WDR43: variants seen among roughly 807,000 people sequenced by gnomAD.
WDR43 encodes WD repeat-containing protein 43.
A neutral mutation model predicts 91.4 loss-of-function variants in WDR43; 13 were observed. The ratio of observed to expected loss-of-function variants is 0.14; its 90% CI spans 0.09 to 0.23. The LOEUF is 0.23. Ranked by LOEUF, WDR43 falls within the 10% of genes least tolerant of loss-of-function variation. WDR43 has a pLI of 1.00. For synonymous variants in WDR43, 331 were observed against 287.9 expected (o/e 1.15, Z -1.51); for missense variants, 780 against 809.4 (o/e 0.96, Z 0.44).
At chr2:28,900,235 T>G (rs1254790791) in intron 1 of WDR43, among the ~76,000 whole-genome samples, 1 of 152,200 alleles carries the variant, frequency 6.6e-6, no homozygotes, top group Non-Finnish European at 1.5e-5. Flanking sequence ...TCGCCCAGGC[T>G]GGAGTGTAGT....
intron 11 of WDR43, 75 bp downstream of exon 11, chr2:28,929,785 C>A: frequency 7.0e-7 from 1 of 1,431,566 alleles, no homozygotes; most frequent in Non-Finnish European, 9.6e-7. Flanking sequence ...AGCACATTCA[C>A]AGCTGTGAGC....
intron 11 of WDR43, among the ~76,000 whole-genome samples, chr2:28,933,210 A>C (rs1177491967): frequency 6.6e-6 from 1 of 152,204 alleles, no homozygotes; most frequent in Non-Finnish European, 1.5e-5. Flanking sequence ...ATAAAGAGCA[A>C]GTTGGAGGAA....
intron 9 of WDR43, 56 bp downstream of exon 9, chr2:28,926,610 G>A: frequency 7.1e-7 from 1 of 1,408,240 alleles, no homozygotes; most frequent in Non-Finnish European, 9.7e-7. Context: ...TTGGGTGAAT[G>A]GAACTGTTAC....
At chr2:28,934,163 A>C (rs1266163170) in intron 11 of WDR43, among the ~76,000 whole-genome samples, 1 of 152,218 alleles carries the variant, frequency 6.6e-6, no homozygotes, top group East Asian at 1.9e-4. Context: ...ATGAATCTCA[A>C]ACTAAGGCTG....
chr2:28,927,358 G>A, intron 9 of WDR43: 2 of 581,270 alleles, frequency 3.4e-6, no homozygotes, highest in Non-Finnish European at 5.8e-6. Flanking sequence ...ACTCTTATGT[G>A]GTATTGTAAG....
At chr2:28,946,329 T>C in intron 16 of WDR43, 121 bp from the exon 17 acceptor site, 6 of 997,584 alleles carry the variant, frequency 6.0e-6, no homozygotes, top group Non-Finnish European at 8.3e-6. Flanking sequence ...CTTAGTTGGA[T>C]GATTGCTAAA....
intron 2 of WDR43, 26 bp from the exon 3 acceptor site, chr2:28,906,434 A>T (rs1227859906): frequency 2.2e-5 from 31 of 1,401,896 alleles, no homozygotes; most frequent in South Asian, 5.5e-5. Context: ...CCAGCCTTAA[A>T]TTTTTTTTTT....
chr2:28,929,553 C>A (rs1231129420), intron 10 of WDR43, 26 bp from the exon 11 acceptor site: 3 of 1,552,330 alleles, frequency 1.9e-6, no homozygotes, highest in South Asian at 2.5e-5. Context: ...TCTGGTAACA[C>A]ATTAACAATC....
chr2:28,898,096 C>T (rs1301492261), intron 1 of WDR43, among the ~76,000 whole-genome samples: 1 of 152,206 alleles, frequency 6.6e-6, no homozygotes, highest in Non-Finnish European at 1.5e-5. Flanking sequence ...GGAACTGATG[C>T]TGCTATTTGA....
intron 11 of WDR43, among the ~76,000 whole-genome samples, chr2:28,934,068 CAT>C (rs756640831): frequency 5.6e-4 from 86 of 152,302 alleles, no homozygotes; most frequent in Non-Finnish European, 9.3e-4. Context: ...GGAAAGAACA[CAT>C]ATGTCCTTTA....
At chr2:28,941,387 C>A (rs1174956788) in intron 14 of WDR43, 74 bp from the exon 15 acceptor site, 1 of 1,139,850 alleles carries the variant, frequency 8.8e-7, no homozygotes, top group Non-Finnish European at 1.3e-6. Flanking sequence ...AATACTGAGG[C>A]ATAGCTGAGC....
chr2:28,898,746 G>C (rs1670527588), intron 1 of WDR43, among the ~76,000 whole-genome samples: 1 of 152,062 alleles, frequency 6.6e-6, no homozygotes, highest in African/African-American at 2.4e-5. Context: ...CTAGCCGTGG[G>C]AAGTTTCTCT....
intron 14 of WDR43, among the ~76,000 whole-genome samples, chr2:28,939,456 A>G (rs185942932): frequency 1.7e-4 from 26 of 152,318 alleles, no homozygotes; most frequent in Admixed American, 9.1e-4. Context: ...AGAACAGACG[A>G]AAGAATGGTA....
intron 9 of WDR43, 185 bp from the exon 10 acceptor site, chr2:28,927,384 C>G (rs1671160379): frequency 5.7e-6 from 4 of 707,128 alleles, no homozygotes; most frequent in Non-Finnish European, 4.4e-6. Context: ...AATTCACAGT[C>G]TTTCAGATTG....
rs537260899 is a variant in WDR43 at position 28,935,086 on chromosome 2, A to G, written c.1438-435A>G. On this transcript the variant is annotated intron_variant, in intron 11 of 17. Transcript: ENST00000407426. ...CTCATTATGTCATCTTTTGATTGGC[A>G]TAAAATTTTACCAAAATTTTGACAC... 2.0e-5 allele frequency among the ~76,000 whole-genome samples: 3 copies of G among 152,270 alleles called. No homozygotes were observed. In the East Asian group the frequency reaches 5.8e-4, roughly 29 times the overall value.
chr2:28,896,824 G>T lies in WDR43; in HGVS notation c.225+1901G>T, dbSNP rs548251468. On this transcript the variant is annotated intron_variant, in intron 1 of 17. Coordinates refer to ENST00000407426, the MANE Select transcript of WDR43 (RefSeq NM_015131.3). ...CTTACTTTGTCATATTGAGCAAGTT[G>T]TTTTAATTTTGAGGACCTCATTGAC... 1.1e-4 allele frequency among the ~76,000 whole-genome samples: 17 copies of T among 152,294 alleles called. No homozygotes were observed. In the East Asian group the frequency reaches 2.9e-3, roughly 26 times the overall value.
At chr2:28,902,829 T>A (rs1238802415) in intron 2 of WDR43, among the ~76,000 whole-genome samples, 1 of 152,196 alleles carries the variant, frequency 6.6e-6, no homozygotes, top group Non-Finnish European at 1.5e-5. Context: ...TAAAGGATGG[T>A]TTGGCATTGG....
chr2:28,906,330 T>A, intron 2 of WDR43, 130 bp from the exon 3 acceptor site: 1 of 853,916 alleles, frequency 1.2e-6, no homozygotes, highest in Admixed American at 3.1e-5. Context: ...ATCTGAAATA[T>A]CCACGTGTGG....
intron 5 of WDR43, among the ~76,000 whole-genome samples, chr2:28,914,435 G>C (rs1670869379): frequency 6.6e-6 from 1 of 152,184 alleles, no homozygotes; most frequent in African/African-American, 2.4e-5. Context: ...ACAGTGGACT[G>C]AACATTTCTG....
Sources: allele counts gnomAD v4.1 joint callset (sites outside exome capture counted in the v4.1 genomes callset), GRCh38; gene constraint gnomAD v4.1.1; transcripts MANE v1.5; gene names NCBI Gene and HGNC (gene_info 2026-07-23, HGNC 2026-07-21).